The following TXNDC16 variants were observed in gnomAD, a reference collection of about 807,000 sequenced individuals.
The protein encoded by TXNDC16 is thioredoxin domain containing 16, also known as thioredoxin domain-containing protein 16.
Under a neutral mutation model 85.6 loss-of-function variants are expected in TXNDC16, and 74 were observed. That is an observed-to-expected ratio of 0.86 (90% CI 0.72 to 1.05). TXNDC16 has a LOEUF of 1.05. Ranked by LOEUF, TXNDC16 falls within the 50% of genes least tolerant of loss-of-function variation. The probability of loss-of-function intolerance (pLI) is 0.00; values close to 1 mark genes in which losing one functional copy is unlikely to be tolerated. For synonymous variants in TXNDC16, 335 were observed against 326.5 expected (o/e 1.03, Z -0.28); for missense variants, 959 against 947.0 (o/e 1.01, Z -0.17).
Position 52,470,018 on chromosome 14 carries a change from A to C in TXNDC16, c.1618+19T>G. The C allele has an allele frequency of 6.3e-7, 1 of 1,591,306 alleles. No individual in the cohort carries two copies. Among genetic ancestry groups the C allele is most frequent in the Non-Finnish European group, 8.5e-7 (1 of 1,173,100 alleles). On this transcript the variant is annotated intron_variant, in intron 16 of 20. Coordinates refer to ENST00000281741, the MANE Select transcript of TXNDC16 (RefSeq NM_020784.3). The stretch of plus-strand genomic sequence containing the variant: ...ATGATATACTCTACTGTATAATTTA[A>C]AAGCTCAGCTCTGCTTACCTGTTTT...
rs561261786 is a variant in TXNDC16 at position 52,454,748 on chromosome 14, G to A, written c.1842+576C>T. ...GGAGAATTGCTTGAACCCGGGAGGC[G>A]GAGGTTGCAGAGAGCTGAGATCACA... On this transcript the variant is annotated intron_variant, in intron 18 of 20. Coordinates refer to ENST00000281741, the MANE Select transcript of TXNDC16 (RefSeq NM_020784.3). 1.5e-4 allele frequency among the ~76,000 whole-genome samples: 22 copies of A among 151,698 alleles called. 1 individual carries two copies. Among genetic ancestry groups the A allele is most frequent in the Admixed American group, 1.2e-3 (18 of 15,240 alleles).
In TXNDC16 at chr14:52,543,590, T is replaced by C. The variant is rs1415986871; in HGVS notation, c.-33A>G. Reference sequence around the variant, plus strand: ...TGCAGTTGTATCTGAGCGGATTTTGTCTGTTTTTTCACTGCTGTGTTCTGT... The same window carrying C: ...TGCAGTTGTATCTGAGCGGATTTTGCCTGTTTTTTCACTGCTGTGTTCTGT... On this transcript the variant is annotated 5_prime_UTR_variant, in exon 3 of 21. Transcript: ENST00000281741. 3.7e-6 allele frequency: 6 copies of C among 1,610,042 alleles called. No homozygotes were observed. In the African/African-American group the frequency reaches 5.4e-5, roughly 14 times the overall value.
chr14:52,435,000 G>A (rs1294593624), intron 20 of TXNDC16, among the ~76,000 whole-genome samples: 1 of 152,212 alleles, frequency 6.6e-6, no homozygotes, highest in East Asian at 1.9e-4. Flanking sequence ...TTTGAGCTGA[G>A]GAATCAAAGC....
intron 9 of TXNDC16, among the ~76,000 whole-genome samples, chr14:52,494,610 A>T (rs1290252758): frequency 6.6e-6 from 1 of 152,238 alleles, no homozygotes; most frequent in Middle Eastern, 3.2e-3. Flanking sequence ...AAAAAGGAGG[A>T]ATAGTCAGTA....
At chr14:52,486,506 GCTT>G (rs1566554240) in intron 12 of TXNDC16, among the ~76,000 whole-genome samples, 1 of 151,682 alleles carries the variant, frequency 6.6e-6, no homozygotes, top group Non-Finnish European at 1.5e-5. Context: ...TGGAACACAT[GCTT>G]CTTTTCTTTT....
intron 9 of TXNDC16, among the ~76,000 whole-genome samples, chr14:52,499,027 G>T (rs1442854790): frequency 1.3e-5 from 2 of 152,076 alleles, no homozygotes; most frequent in Non-Finnish European, 2.9e-5. Context: ...TCATGTATAT[G>T]TTCAAATGAT....
chr14:52,471,431 T>C (rs759639213), intron 14 of TXNDC16, among the ~76,000 whole-genome samples: 3 of 152,212 alleles, frequency 2.0e-5, no homozygotes, highest in Non-Finnish European at 4.4e-5. Flanking sequence ...TGGTACCAGC[T>C]TACCCCCACC....
chr14:52,472,634 C>G (rs1479783943), intron 14 of TXNDC16, among the ~76,000 whole-genome samples: 7 of 152,274 alleles, frequency 4.6e-5, no homozygotes, highest in South Asian at 2.1e-4. Flanking sequence ...GATATTAATA[C>G]TTGAATTTTG....
At chr14:52,497,232 T>G (rs2036553151) in intron 9 of TXNDC16, among the ~76,000 whole-genome samples, 1 of 152,062 alleles carries the variant, frequency 6.6e-6, no homozygotes, top group African/African-American at 2.4e-5. Flanking sequence ...TTTGATAACT[T>G]AGAAGAAATA....
chr14:52,483,592 A>T (rs1013273845), intron 12 of TXNDC16, among the ~76,000 whole-genome samples: 34 of 152,222 alleles, frequency 2.2e-4, no homozygotes, highest in African/African-American at 7.7e-4. Flanking sequence ...GGGCTGAAAG[A>T]ATAAACAGCA....
chr14:52,495,816 G>C (rs1424921228), intron 9 of TXNDC16, among the ~76,000 whole-genome samples: 1 of 152,098 alleles, frequency 6.6e-6, no homozygotes, highest in Non-Finnish European at 1.5e-5. Context: ...TAAGTCCTTT[G>C]CATACAGCTC....
intron 1 of TXNDC16, among the ~76,000 whole-genome samples, chr14:52,545,954 T>C (rs1323486533): frequency 1.3e-5 from 2 of 152,150 alleles, no homozygotes; most frequent in East Asian, 3.8e-4. Context: ...GACTTTTTTT[T>C]TTCTTTTTTT....
At chr14:52,446,844 T>C (rs2035295941) in intron 18 of TXNDC16, among the ~76,000 whole-genome samples, 2 of 151,962 alleles carry the variant, frequency 1.3e-5, no homozygotes, top group African/African-American at 2.4e-5. Flanking sequence ...AACTGCTACC[T>C]CTATGGGAAA....
intron 1 of TXNDC16, among the ~76,000 whole-genome samples, chr14:52,549,532 C>T (rs1448624139): frequency 6.6e-6 from 1 of 152,068 alleles, no homozygotes; most frequent in East Asian, 1.9e-4. Flanking sequence ...CCTTTGTGTT[C>T]CTTAGGCAGG....
intron 9 of TXNDC16, 21 bp downstream of exon 9, chr14:52,511,219 A>T: frequency 6.8e-7 from 1 of 1,461,906 alleles, no homozygotes; most frequent in Non-Finnish European, 9.1e-7. Context: ...AGCAAATAAA[A>T]ATATAAAATA....
chr14:52,548,067 G>GAC (rs1566593310), intron 1 of TXNDC16, among the ~76,000 whole-genome samples: 1 of 152,198 alleles, frequency 6.6e-6, no homozygotes, highest in Non-Finnish European at 1.5e-5. Context: ...CTGCCATGAT[G>GAC]ACTGATTACA....
At chr14:52,503,740 G>A (rs1246694145) in intron 9 of TXNDC16, among the ~76,000 whole-genome samples, 1 of 152,234 alleles carries the variant, frequency 6.6e-6, no homozygotes, top group Non-Finnish European at 1.5e-5. Flanking sequence ...ACTTTCATGA[G>A]TTGAGAGAAG....
At chr14:52,513,049 T>C (rs1353382898) in intron 8 of TXNDC16, among the ~76,000 whole-genome samples, 7 of 152,244 alleles carry the variant, frequency 4.6e-5, no homozygotes, top group Non-Finnish European at 8.8e-5. Flanking sequence ...GTATGGGGCA[T>C]GGGTAATACC....
chr14:52,546,296 C>G (rs895076730), intron 1 of TXNDC16, among the ~76,000 whole-genome samples: 1 of 151,990 alleles, frequency 6.6e-6, no homozygotes, highest in South Asian at 2.1e-4. Context: ...AACAAACAAA[C>G]GAACAAACAA....
Sources: allele counts gnomAD v4.1 joint callset (sites outside exome capture counted in the v4.1 genomes callset), GRCh38; gene constraint gnomAD v4.1.1; transcripts MANE v1.5; gene names NCBI Gene and HGNC (gene_info 2026-07-23, HGNC 2026-07-21).